The following UBAC2 variants were observed in gnomAD, a reference collection of about 807,000 sequenced individuals.
UBAC2 encodes the protein ubiquitin-associated domain-containing protein 2.
A neutral mutation model predicts 44.0 loss-of-function variants in UBAC2; 26 were observed. That is an observed-to-expected ratio of 0.59 (90% CI 0.43 to 0.82). The LOEUF (loss-of-function observed/expected upper bound fraction) is 0.82. UBAC2 is among the 40% of genes least tolerant of loss of function. The pLI is 0.00. For missense variants in UBAC2, 329 were observed against 419.4 expected, an observed-to-expected ratio of 0.78 and a Z score of 1.88; for synonymous variants, 155 against 154.3, an observed-to-expected ratio of 1.00 and a Z score of -0.04.
At chr13:99,270,543 C>G (rs1192351408) in intron 4 of UBAC2, among the ~76,000 whole-genome samples, 6 of 151,994 alleles carry the variant, frequency 3.9e-5, no homozygotes, top group Admixed American at 3.9e-4. Flanking sequence ...TATCAATGTC[C>G]AAGATTATAG....
chr13:99,228,525 C>T (rs1469669000), intron 1 of UBAC2, among the ~76,000 whole-genome samples: 3 of 152,176 alleles, frequency 2.0e-5, no homozygotes, highest in Non-Finnish European at 2.9e-5. Flanking sequence ...AACTCCTGAC[C>T]TCAAGCGATC....
At chr13:99,302,077 C>T (rs2044265139) in intron 4 of UBAC2, among the ~76,000 whole-genome samples, 1 of 152,118 alleles carries the variant, frequency 6.6e-6, no homozygotes, top group African/African-American at 2.4e-5. Context: ...TCAGCTTATA[C>T]AGAGAGGTGA....
intron 7 of UBAC2, among the ~76,000 whole-genome samples, chr13:99,360,225 T>C (rs4479091): frequency 6.6e-6 from 1 of 152,204 alleles, no homozygotes; most frequent in Non-Finnish European, 1.5e-5. Flanking sequence ...TCCAGGATCC[T>C]GTAGTCTAGT....
Position 99,295,217 on chromosome 13 carries a change from A to C in UBAC2, c.390-18880A>C. ...CTTTCTCTTATACCCTTTACATGCA[A>C]AGAAGTAGATAAAAGGGTCCATGCA... is the stretch of plus-strand genomic sequence containing the variant. On this transcript the variant is annotated intron_variant, in intron 4 of 8. Transcript: ENST00000403766. This position sits in a 1 kb window ranked among gnomAD's most constrained non-coding sequence, Gnocchi z 4.1. 2 of 1,614,134 alleles carry C rather than the reference A, an allele frequency of 1.2e-6. No homozygotes were observed. The highest frequency in any genetic ancestry group is 1.7e-6 in the Non-Finnish European group (2 of 1,180,010).
chr13:99,272,761 G>T (rs7318723), intron 4 of UBAC2, among the ~76,000 whole-genome samples: 13,694 of 152,070 alleles, frequency 0.09, 668 homozygotes, highest in East Asian at 0.13. Context: ...CCTCCCAAAG[G>T]TCCTACCTCC....
intron 4 of UBAC2, among the ~76,000 whole-genome samples, chr13:99,259,706 G>T (rs2043628793): frequency 6.6e-6 from 1 of 152,144 alleles, no homozygotes; most frequent in Non-Finnish European, 1.5e-5. Context: ...TGATGTTTCA[G>T]CTGGACAGAA....
intron 4 of UBAC2, chr13:99,296,224 A>G: frequency 7.2e-7 from 1 of 1,379,818 alleles, no homozygotes; most frequent in Non-Finnish European, 9.7e-7. Context: ...TTGATTACTC[A>G]TTAGTTTTAA....
chr13:99,271,810 T>G (rs890931804), intron 4 of UBAC2, among the ~76,000 whole-genome samples: 1 of 152,126 alleles, frequency 6.6e-6, no homozygotes, highest in African/African-American at 2.4e-5. Context: ...GTATCTCTGT[T>G]GAGGGATTTT....
In UBAC2 at chr13:99,200,872, C is replaced by G; in HGVS notation, c.-37C>G. The G allele has an allele frequency of 1.5e-6, 2 of 1,292,924 alleles. No individual in the cohort carries two copies. The highest frequency in any genetic ancestry group is 9.9e-7 in the Non-Finnish European group (1 of 1,011,528). The allele number at this position is 1,292,924 out of a possible 1,614,324, so 80.1% of individuals were successfully genotyped here. On this transcript the variant is annotated 5_prime_UTR_variant, in exon 1 of 9. Coordinates refer to ENST00000403766, the MANE Select transcript of UBAC2 (RefSeq NM_001144072.2). The stretch of plus-strand genomic sequence containing the variant: ...GGGGCTCGCACTTCAGCTTCCCCTC[C>G]CCCGGCGCCCTCTGGGGCTCCGAGC...
intron 4 of UBAC2, chr13:99,255,821 G>A: frequency 5.0e-6 from 8 of 1,606,358 alleles, no homozygotes; most frequent in Non-Finnish European, 5.1e-6. Context: ...TATTCATCTG[G>A]ATGTGAGCTG....
rs79201331 is a variant in UBAC2, at chr13:99,344,121, G to A, written c.807+3556G>A. ...TTGCCAGTCCTATAGTAAGTACTCA[G>A]TATATGTTATCTCATTTATGCCCGG... On this transcript the variant is annotated intron_variant, in intron 7 of 8. Coordinates refer to ENST00000403766, the MANE Select transcript of UBAC2 (RefSeq NM_001144072.2). Among the ~76,000 whole-genome samples, 1,511 of 152,324 alleles carry A rather than the reference G, an allele frequency of 9.9e-3. 23 individuals carry two copies. Among genetic ancestry groups the A allele is most frequent in the African/African-American group, 0.034 (1,417 of 41,562 alleles).
chr13:99,304,844 T>A (rs1340046150), intron 4 of UBAC2, among the ~76,000 whole-genome samples: 1 of 152,190 alleles, frequency 6.6e-6, no homozygotes, highest in Non-Finnish European at 1.5e-5. Flanking sequence ...TTTTATCTCC[T>A]ATTTCCGACG....
chr13:99,269,219 C>A (rs1490652464), intron 4 of UBAC2, among the ~76,000 whole-genome samples: 6 of 152,094 alleles, frequency 3.9e-5, no homozygotes, highest in Non-Finnish European at 8.8e-5. Flanking sequence ...CTATGAAATC[C>A]CTTTAAACCG....
At chr13:99,257,546 G>A (rs781302246) in intron 4 of UBAC2, among the ~76,000 whole-genome samples, 31 of 151,886 alleles carry the variant, frequency 2.0e-4, no homozygotes, top group East Asian at 3.9e-4. Flanking sequence ...ATTTGCTGAC[G>A]TTTGAAAAAA....
At chr13:99,227,769 G>A (rs1390837230) in intron 1 of UBAC2, among the ~76,000 whole-genome samples, 1 of 152,160 alleles carries the variant, frequency 6.6e-6, no homozygotes, top group African/African-American at 2.4e-5. Flanking sequence ...ATAATGCATG[G>A]TACAGCGTGG....
chr13:99,271,272 G>C (rs2043812292), intron 4 of UBAC2, among the ~76,000 whole-genome samples: 1 of 152,194 alleles, frequency 6.6e-6, no homozygotes, highest in African/African-American at 2.4e-5. Context: ...AAAAGCTTCA[G>C]AAATCAGGTA....
chr13:99,207,576 C>T (rs572127466), intron 1 of UBAC2, among the ~76,000 whole-genome samples: 7 of 152,168 alleles, frequency 4.6e-5, no homozygotes, highest in African/African-American at 7.2e-5. Context: ...GGCCTGCTTC[C>T]GTCCCGCTAT....
intron 4 of UBAC2, among the ~76,000 whole-genome samples, chr13:99,247,017 G>C (rs1289844190): frequency 6.6e-6 from 1 of 151,992 alleles, no homozygotes; most frequent in African/African-American, 2.4e-5. Flanking sequence ...ATTATTTTTG[G>C]TAGAGAAAAG....
Position 99,295,313 on chromosome 13 carries a change from A to T in UBAC2, c.390-18784A>T. 1 of 1,614,186 alleles carries T rather than the reference A, an allele frequency of 6.2e-7. No homozygotes were observed. Among genetic ancestry groups the T allele is most frequent in the African/African-American group, 1.3e-5 (1 of 75,066 alleles). ...GAACGAATGTCTTTGGCTACATTCC[A>T]GGAAATTAGAGAAACGAAGCTTCTT... On this transcript the variant is annotated intron_variant, in intron 4 of 8. Coordinates refer to ENST00000403766, the MANE Select transcript of UBAC2 (RefSeq NM_001144072.2). This position sits in a 1 kb window ranked among gnomAD's most constrained non-coding sequence, Gnocchi z 4.1.
Sources: gnomAD v4.1 joint callset for allele counts (sites outside exome capture counted in the v4.1 genomes callset) on GRCh38, gnomAD v4.1.1 for gene constraint, Gnocchi (gnomAD v3.1) non-coding constraint, MANE v1.5 for transcripts, NCBI Gene and HGNC (gene_info 2026-07-23, HGNC 2026-07-21) for gene names.